Variants in AUNIP observed in about 807,000 individuals in gnomAD.
The protein encoded by AUNIP is aurora kinase A- and ninein-interacting protein.
Under a neutral mutation model 12.2 loss-of-function variants are expected in AUNIP, and 16 were observed. The ratio of observed to expected loss-of-function variants is 1.31; its 90% CI spans 0.88 to 1.99. The LOEUF (loss-of-function observed/expected upper bound fraction) is 1.99, where lower values mean the gene tolerates loss of function less well. AUNIP is among the 30% of genes most tolerant of loss of function. The pLI is 0.00. For missense variants in AUNIP, 411 were observed against 419.1 expected, an observed-to-expected ratio of 0.98 and a Z score of 0.17; for synonymous variants, 142 against 154.8, an observed-to-expected ratio of 0.92 and a Z score of 0.61.
Position 25,837,483 on chromosome 1 carries a change from A to T in AUNIP, c.150T>A (p.Phe50Leu), listed in dbSNP as rs72879419. Residue 50 changes from phenylalanine to leucine, a missense_variant, in exon 2 of 3, where the codon TTT (phenylalanine) becomes TTA (leucine). By Grantham distance (22) the Phe-to-Leu change is conservative. Coordinates refer to ENST00000374298, the MANE Select transcript of AUNIP (RefSeq NM_024037.3). Reference protein sequence around the residue: ...LPGERKANIYFTQRRAPSTGI... With the variant: ...LPGERKANIYLTQRRAPSTGI... Reference sequence around the variant, plus strand: ...CTGTAGATGGAGCTCTTCTTTGAGTAAAATAAATATTAGCCTTTCTTTCTC... The same window carrying T: ...CTGTAGATGGAGCTCTTCTTTGAGTTAAATAAATATTAGCCTTTCTTTCTC... The T allele has an allele frequency of 2.4e-3, 3,800 of 1,614,064 alleles. 84 individuals are homozygous for T. The African/African-American group carries it at 0.043, about 18-fold the overall frequency.
At chr1:25,833,852 C>A (rs2048275259), downstream of AUNIP, among the ~76,000 whole-genome samples, 2 of 152,064 alleles carry the variant, frequency 1.3e-5, no homozygotes, top group Middle Eastern at 3.4e-3. Context: ...TTAGATACCA[C>A]ATCAACAACA....
intron 1 of AUNIP, among the ~76,000 whole-genome samples, chr1:25,846,466 G>T (rs1425133635): frequency 7.1e-6 from 1 of 141,556 alleles, no homozygotes. Flanking sequence ...GCTCACACCT[G>T]TAATCCTAGC....
chr1:25,850,179 G>A (rs1380212778), intron 1 of AUNIP, among the ~76,000 whole-genome samples: 1 of 151,816 alleles, frequency 6.6e-6, no homozygotes, highest in East Asian at 1.9e-4. Context: ...TAGCACTCCA[G>A]TCTGGGTAAC....
chr1:25,844,969 AT>A (rs1243842476), intron 1 of AUNIP, among the ~76,000 whole-genome samples: 4 of 152,324 alleles, frequency 2.6e-5, no homozygotes, highest in Non-Finnish European at 5.9e-5. Context: ...CCTAAGGAGG[AT>A]TGTTTAAGAA....
At chr1:25,859,218 C>A in intron 1 of AUNIP, 62 bp downstream of exon 1, 1 of 1,524,612 alleles carries the variant, frequency 6.6e-7, no homozygotes, top group South Asian at 1.2e-5. Context: ...CCAAACTCCT[C>A]CCGTCTTACG....
Position 25,834,630 on chromosome 1 carries a change from A to C in AUNIP, c.*363T>G, listed in dbSNP as rs2048284000. ...GACTCCATCTCAAAAAAAAAAAAAA[A>C]AAAACACATCCATAAGCAAGGTCCC... On this transcript the variant is annotated 3_prime_UTR_variant, in exon 3 of 3. Coordinates refer to ENST00000374298, the MANE Select transcript of AUNIP (RefSeq NM_024037.3). 4.9e-6 allele frequency: 5 copies of C among 1,016,224 alleles called. No individual in the cohort carries two copies. The highest frequency in any genetic ancestry group is 5.9e-6 in the Non-Finnish European group (5 of 849,112). 63.0% of individuals were successfully genotyped at this position (1,016,224 alleles called of 1,614,324 possible).
intron 1 of AUNIP, among the ~76,000 whole-genome samples, chr1:25,839,964 C>T (rs1289320226): frequency 1.3e-5 from 2 of 152,132 alleles, no homozygotes; most frequent in Admixed American, 6.5e-5. Context: ...CCACGCCTGG[C>T]CAATATTCTT....
chr1:25,859,093 C>T (rs781029725), intron 1 of AUNIP, among the ~76,000 whole-genome samples, 187 bp downstream of exon 1: 22 of 152,090 alleles, frequency 1.4e-4, no homozygotes, highest in Non-Finnish European at 2.1e-4. Flanking sequence ...CCCTCCCATC[C>T]TCCCCAAGCC....
chr1:25,844,590 AAT>A (rs2048369889), intron 1 of AUNIP, among the ~76,000 whole-genome samples: 2 of 146,890 alleles, frequency 1.4e-5, no homozygotes, highest in Non-Finnish European at 3.0e-5. Context: ...GCTTCAAACA[AAT>A]ATAATTCCTT....
chr1:25,848,292 C>T (rs1468977092), intron 1 of AUNIP, among the ~76,000 whole-genome samples: 1 of 151,848 alleles, frequency 6.6e-6, no homozygotes, highest in Non-Finnish European at 1.5e-5. Flanking sequence ...CCTGTAATCC[C>T]AACACAGTAA....
chr1:25,835,952 G>A (rs2048299689), intron 2 of AUNIP, 106 bp from the exon 3 acceptor site: 3 of 1,476,022 alleles, frequency 2.0e-6, no homozygotes, highest in African/African-American at 1.4e-5. Flanking sequence ...ACTACCTAGT[G>A]CAGGAGTCTT....
chr1:25,848,074 T>C (rs1429182287), intron 1 of AUNIP, among the ~76,000 whole-genome samples: 1 of 151,682 alleles, frequency 6.6e-6, no homozygotes, highest in Non-Finnish European at 1.5e-5. Context: ...CCTGTCAGGA[T>C]ACTACACACT....
chr1:25,834,216 C>G lies in AUNIP; in HGVS notation c.*777G>C. Reference sequence around the variant, plus strand: ...TAGCACCATTCTACCTCTCTTCTCTCCACACCTGGGTTGTGGGGAGATTTG... The same window carrying G: ...TAGCACCATTCTACCTCTCTTCTCTGCACACCTGGGTTGTGGGGAGATTTG... On this transcript the variant is annotated 3_prime_UTR_variant, in exon 3 of 3. Transcript: ENST00000374298. The G allele has an allele frequency of 1.0e-6, 1 of 985,366 alleles. No homozygotes were observed. The highest frequency in any genetic ancestry group is 1.2e-6 in the Non-Finnish European group (1 of 829,930). 61.0% of individuals were successfully genotyped at this position (985,366 alleles called of 1,614,324 possible). A position where few individuals can be genotyped will look rare whatever the true frequency, so the allele number is the denominator to read the frequency against.
At chr1:25,845,036 G>A (rs549313733) in intron 1 of AUNIP, among the ~76,000 whole-genome samples, 21 of 152,272 alleles carry the variant, frequency 1.4e-4, no homozygotes, top group African/African-American at 5.1e-4. Context: ...AACAACTTAA[G>A]TTAGCTCTGT....
chr1:25,836,827 G>T (rs1279169545), intron 2 of AUNIP, among the ~76,000 whole-genome samples: 3 of 152,174 alleles, frequency 2.0e-5, no homozygotes, highest in Non-Finnish European at 4.4e-5. Flanking sequence ...GCAATCCTGA[G>T]AATCACACCC....
At chr1:25,846,404 G>A (rs2048383655) in intron 1 of AUNIP, among the ~76,000 whole-genome samples, 1 of 114,706 alleles carries the variant, frequency 8.7e-6, no homozygotes, top group South Asian at 3.3e-4. Flanking sequence ...GCAACAGAGT[G>A]AGACTCCATC....
At chr1:25,851,877 G>A (rs1411768347) in intron 1 of AUNIP, among the ~76,000 whole-genome samples, 1 of 152,104 alleles carries the variant, frequency 6.6e-6, no homozygotes, top group Admixed American at 6.6e-5. Flanking sequence ...TGGGACTACA[G>A]GCACACACCA....
chr1:25,846,540 G>A (rs2048385013), intron 1 of AUNIP, among the ~76,000 whole-genome samples: 1 of 151,290 alleles, frequency 6.6e-6, no homozygotes, highest in African/African-American at 2.4e-5. Context: ...CCTGGCCAAT[G>A]TGGTGAAACC....
At chr1:25,842,153 A>G (rs1256438361) in intron 1 of AUNIP, among the ~76,000 whole-genome samples, 1 of 152,254 alleles carries the variant, frequency 6.6e-6, no homozygotes, top group African/African-American at 2.4e-5. Flanking sequence ...TCAAACAGCC[A>G]AGTTGTAAAT....
Sources: gnomAD v4.1 joint callset for allele counts (sites outside exome capture counted in the v4.1 genomes callset) on GRCh38, gnomAD v4.1.1 for gene constraint, MANE v1.5 for transcripts, NCBI Gene and HGNC (gene_info 2026-07-23, HGNC 2026-07-21) for gene names.